Variants in NFIB observed in about 807,000 individuals in gnomAD.
The protein encoded by NFIB is nuclear factor 1 B-type.
In NFIB, 11 loss-of-function variants were observed where a neutral mutation model predicts 61.5. The observed-to-expected ratio is 0.18, with a 90% CI of 0.11 to 0.30. The LOEUF (loss-of-function observed/expected upper bound fraction) is 0.30. Among genes scored for constraint, NFIB ranks in the 10% least tolerant of loss-of-function variants. The pLI is 1.00. For missense variants in NFIB, 471 were observed against 608.9 expected (o/e 0.77, Z 2.38); for synonymous variants, 260 against 216.5 (o/e 1.20, Z -1.76).
At chr9:14,223,473 A>C (rs2051964406) in intron 2 of NFIB, among the ~76,000 whole-genome samples, 1 of 152,236 alleles carries the variant, frequency 6.6e-6, no homozygotes, top group East Asian at 1.9e-4. Flanking sequence ...AATAGAACAA[A>C]GCTTAAAAAT....
chr9:14,413,437 T>C, the NFIB span, among the ~76,000 whole-genome samples: 1 of 152,172 alleles, frequency 6.6e-6, no homozygotes, highest in African/African-American at 2.4e-5. Context: ...GCCTTGAGTG[T>C]GAAACAGGAT....
chr9:14,427,937 G>GA, the NFIB span, among the ~76,000 whole-genome samples: 1 of 43,386 alleles, frequency 2.3e-5, no homozygotes, highest in African/African-American at 7.8e-5. Context: ...TAATTCAGTT[G>GA]TTTTTTTTTT....
At chr9:14,303,226 G>C (rs1431088440) in intron 2 of NFIB, among the ~76,000 whole-genome samples, 9 of 152,206 alleles carry the variant, frequency 5.9e-5, no homozygotes, top group African/African-American at 2.2e-4. Flanking sequence ...CAAATAAGCA[G>C]TGATGTGACT....
chr9:14,236,144 A>G (rs1011231240), intron 2 of NFIB, among the ~76,000 whole-genome samples: 3 of 152,222 alleles, frequency 2.0e-5, no homozygotes, highest in African/African-American at 7.2e-5. Context: ...ATGTGTACGC[A>G]TTATAGCTAC....
At chr9:14,135,163 G>A (rs2040896640) in intron 6 of NFIB, among the ~76,000 whole-genome samples, 1 of 152,046 alleles carries the variant, frequency 6.6e-6, no homozygotes, top group Non-Finnish European at 1.5e-5. Flanking sequence ...TTGAAAGTTT[G>A]TTTTTTCAAA....
chr9:14,496,084 A>C, the NFIB span, among the ~76,000 whole-genome samples: 10 of 152,230 alleles, frequency 6.6e-5, no homozygotes, highest in Non-Finnish European at 1.5e-4. Context: ...GGGCGTGGCA[A>C]GTAGTAAGCA....
At chr9:14,336,839 G>C in intron 1 of NFIB, among the ~76,000 whole-genome samples, 1 of 152,010 alleles carries the variant, frequency 6.6e-6, no homozygotes, top group Non-Finnish European at 1.5e-5. Context: ...GCATTTTGTA[G>C]CCATAATGCC....
chr9:14,360,502 A>G (rs1461583462), intron 1 of NFIB, among the ~76,000 whole-genome samples: 1 of 152,040 alleles, frequency 6.6e-6, no homozygotes, highest in Non-Finnish European at 1.5e-5. Flanking sequence ...GGCAAATTGA[A>G]TGATTTGGGT....
At chr9:14,286,790 C>T (rs921510388) in intron 2 of NFIB, among the ~76,000 whole-genome samples, 4 of 152,142 alleles carry the variant, frequency 2.6e-5, no homozygotes, top group African/African-American at 7.2e-5. Context: ...ATGAATAAGC[C>T]GCTTCACTGC....
Position 14,151,009 on chromosome 9 carries a change from T to C in NFIB, c.686-744A>G, listed in dbSNP as rs73411943. On this transcript the variant is annotated intron_variant, in intron 4 of 10. Transcript: ENST00000380953. The stretch of plus-strand genomic sequence containing the variant: ...ATGAACAAAGCTGTGAGGCAGCATA[T>C]TGTGTTAGAATCAGCAGAGTCTTGA... Among the ~76,000 whole-genome samples, 585 of 152,250 alleles carry C rather than the reference T, an allele frequency of 3.8e-3. 4 individuals carry two copies. The highest frequency in any genetic ancestry group is 7.7e-3 in the African/African-American group (322 of 41,572).
At chr9:14,282,885 T>C (rs568270624) in intron 2 of NFIB, among the ~76,000 whole-genome samples, 6 of 152,196 alleles carry the variant, frequency 3.9e-5, no homozygotes, top group Admixed American at 6.5e-5. Flanking sequence ...TGGCTCTCTC[T>C]TTGTCTGAGA....
intron 2 of NFIB, among the ~76,000 whole-genome samples, chr9:14,256,055 G>A (rs2056191574): frequency 6.6e-6 from 1 of 152,182 alleles, no homozygotes; most frequent in African/African-American, 2.4e-5. Flanking sequence ...TACCAATGGT[G>A]CCTGCCCCAC....
the NFIB span, among the ~76,000 whole-genome samples, chr9:14,496,347 G>C: frequency 6.6e-6 from 1 of 152,124 alleles, no homozygotes; most frequent in African/African-American, 2.4e-5. Context: ...ACTGTGTTGT[G>C]TACCTACATT....
intron 2 of NFIB, among the ~76,000 whole-genome samples, chr9:14,288,121 T>C (rs1040693202): frequency 6.6e-6 from 1 of 152,110 alleles, no homozygotes; most frequent in South Asian, 2.1e-4. Context: ...ATCTTCTCAA[T>C]TCCAAAATAT....
chr9:14,395,775 G>A (rs12349734), intron 1 of NFIB, among the ~76,000 whole-genome samples: 2 of 105,320 alleles, frequency 1.9e-5, no homozygotes, highest in Admixed American at 1.5e-4. Context: ...CAGCATCCCA[G>A]AATGCCTCAT....
intron 2 of NFIB, among the ~76,000 whole-genome samples, chr9:14,293,865 G>C (rs545794614): frequency 6.6e-6 from 1 of 152,126 alleles, no homozygotes; most frequent in African/African-American, 2.4e-5. Context: ...CCCAAACATG[G>C]TATTCACCAA....
At chr9:14,527,457 T>C in the NFIB span, among the ~76,000 whole-genome samples, 13 of 152,328 alleles carry the variant, frequency 8.5e-5, 1 homozygote, top group Non-Finnish European at 1.6e-4. Context: ...ACCATGACAC[T>C]GAGTGATAAA....
At chr9:14,259,762 G>A (rs775636445) in intron 2 of NFIB, among the ~76,000 whole-genome samples, 13 of 151,986 alleles carry the variant, frequency 8.6e-5, no homozygotes, top group Non-Finnish European at 1.5e-4. Context: ...AAAATTAGCC[G>A]GGCGTGGTGG....
chr9:14,406,003 T>G, the NFIB span, among the ~76,000 whole-genome samples: 1 of 152,246 alleles, frequency 6.6e-6, no homozygotes, highest in Non-Finnish European at 1.5e-5. Flanking sequence ...AAAGTTAGAC[T>G]AAAGCATACC....
Sources: allele counts gnomAD v4.1 joint callset (sites outside exome capture counted in the v4.1 genomes callset), GRCh38; gene constraint gnomAD v4.1.1; transcripts MANE v1.5; gene names NCBI Gene and HGNC (gene_info 2026-07-23, HGNC 2026-07-21).